Variants in HECW2 observed in about 807,000 individuals in gnomAD.
HECW2 encodes E3 ubiquitin-protein ligase HECW2.
Under a neutral mutation model 175.2 loss-of-function variants are expected in HECW2, and 61 were observed. That is an observed-to-expected ratio of 0.35 (90% CI 0.28 to 0.43). HECW2 has a LOEUF of 0.43. HECW2 is among the 20% of genes least tolerant of loss of function. The pLI, the probability that HECW2 is intolerant of heterozygous loss-of-function variation, is 1.00. For synonymous variants in HECW2, 671 were observed against 731.0 expected, an observed-to-expected ratio of 0.92 and a Z score of 1.32; for missense variants, 1,524 against 2,000.5, an observed-to-expected ratio of 0.76 and a Z score of 4.54.
chr2:196,453,467 C>T (rs774739254), intron 1 of HECW2, among the ~76,000 whole-genome samples: 18 of 152,088 alleles, frequency 1.2e-4, no homozygotes, highest in Admixed American at 3.3e-4. Flanking sequence ...GAAGCTCTTC[C>T]TAACACTTAG....
chr2:196,384,925 C>CA (rs1553510956), intron 2 of HECW2, among the ~76,000 whole-genome samples: 4 of 148,660 alleles, frequency 2.7e-5, no homozygotes. Flanking sequence ...GTTTCTTTCA[C>CA]TTTTTTTTTT....
chr2:196,528,510 CAG>C (rs775779622), intron 1 of HECW2, among the ~76,000 whole-genome samples: 2 of 152,180 alleles, frequency 1.3e-5, no homozygotes, highest in Non-Finnish European at 2.9e-5. Context: ...TGGTGAGAAT[CAG>C]GGGCAGAAAC....
chr2:196,407,700 A>G (rs1246703403), intron 2 of HECW2, among the ~76,000 whole-genome samples: 1 of 152,228 alleles, frequency 6.6e-6, no homozygotes, highest in East Asian at 1.9e-4. Flanking sequence ...AGTCTAAATT[A>G]ACAAATGAAA....
At chr2:196,410,288 G>A (rs1475766727) in intron 2 of HECW2, among the ~76,000 whole-genome samples, 3 of 152,130 alleles carry the variant, frequency 2.0e-5, no homozygotes, top group Admixed American at 2.0e-4. Context: ...AATAGCAATG[G>A]TACATTTTGA....
intron 18 of HECW2, 96 bp downstream of exon 18, chr2:196,257,727 T>C (rs756073258): frequency 8.0e-5 from 69 of 863,766 alleles, no homozygotes; most frequent in Non-Finnish European, 1.1e-4. Context: ...AGAACAATTT[T>C]TAGGCTATGA....
chr2:196,403,970 TGTGA>T (rs1230856640), intron 2 of HECW2, among the ~76,000 whole-genome samples: 1 of 152,234 alleles, frequency 6.6e-6, no homozygotes, highest in Non-Finnish European at 1.5e-5. Context: ...ATTATGTCAC[TGTGA>T]GTGTTTTAGG....
chr2:196,392,383 G>A (rs1263845271), intron 2 of HECW2, among the ~76,000 whole-genome samples: 2 of 152,158 alleles, frequency 1.3e-5, no homozygotes, highest in Non-Finnish European at 2.9e-5. Context: ...CCAGGGCTGT[G>A]TAACCTATCA....
chr2:196,389,338 A>G (rs1428497670), intron 2 of HECW2, among the ~76,000 whole-genome samples: 1 of 152,202 alleles, frequency 6.6e-6, no homozygotes, highest in Non-Finnish European at 1.5e-5. Flanking sequence ...ATTTTCTAAA[A>G]TGCATTTTGA....
chr2:196,555,421 C>A (rs1388032538), intron 1 of HECW2, among the ~76,000 whole-genome samples: 2 of 152,066 alleles, frequency 1.3e-5, no homozygotes, highest in African/African-American at 4.8e-5. Flanking sequence ...TAATCACCTG[C>A]CAAAGGCCAC....
chr2:196,463,363 G>A (rs543386438), intron 1 of HECW2, among the ~76,000 whole-genome samples: 3 of 145,492 alleles, frequency 2.1e-5, no homozygotes, highest in Non-Finnish European at 4.5e-5. Context: ...GATTCGTCAC[G>A]CAAGTCAGGC....
intron 1 of HECW2, chr2:196,586,671 G>A (rs867541041): frequency 6.8e-6 from 1 of 146,672 alleles, no homozygotes; most frequent in South Asian, 2.2e-4. Context: ...CACCTTATCT[G>A]TACCTGAGCC....
intron 1 of HECW2, among the ~76,000 whole-genome samples, chr2:196,545,497 G>T (rs1368631344): frequency 6.6e-6 from 1 of 152,168 alleles, no homozygotes; most frequent in African/African-American, 2.4e-5. Context: ...AGTTTTGATA[G>T]GGAAAATGGA....
At chr2:196,577,797 C>G (rs937465106) in intron 1 of HECW2, among the ~76,000 whole-genome samples, 4 of 152,104 alleles carry the variant, frequency 2.6e-5, no homozygotes, top group African/African-American at 9.7e-5. Flanking sequence ...ACTAATATAA[C>G]CAGACAGAGA....
At chr2:196,489,465 A>AT (rs113867108) in intron 1 of HECW2, among the ~76,000 whole-genome samples, 51,080 of 151,804 alleles carry the variant, frequency 0.34, 11,748 homozygotes, top group African/African-American at 0.66. Context: ...CAGAAGAAAG[A>AT]CCAAAGAACC....
chr2:196,226,579 C>T (rs1186074575), intron 22 of HECW2, among the ~76,000 whole-genome samples: 1 of 152,168 alleles, frequency 6.6e-6, no homozygotes, highest in African/African-American at 2.4e-5. Context: ...CCCCTGTGAG[C>T]ATTTCAGTGA....
intron 17 of HECW2, 41 bp from the exon 18 acceptor site, chr2:196,257,947 C>A: frequency 7.0e-7 from 1 of 1,419,132 alleles, no homozygotes; most frequent in South Asian, 1.2e-5. Context: ...ATATGGTAGA[C>A]CTTTAGGCTA....
At chr2:196,520,256 C>G (rs886921314) in intron 1 of HECW2, among the ~76,000 whole-genome samples, 1 of 136,554 alleles carries the variant, frequency 7.3e-6, no homozygotes, top group Non-Finnish European at 1.5e-5. Context: ...CTGTCAATCT[C>G]AAATTATTAC....
intron 2 of HECW2, among the ~76,000 whole-genome samples, chr2:196,359,833 T>C (rs1195735561): frequency 2.6e-5 from 4 of 152,250 alleles, no homozygotes; most frequent in Non-Finnish European, 5.9e-5. Context: ...CTGGGGGCAG[T>C]GGCTTATGCC....
intron 2 of HECW2, among the ~76,000 whole-genome samples, chr2:196,365,541 G>A (rs1009247026): frequency 1.3e-5 from 2 of 152,058 alleles, no homozygotes; most frequent in African/African-American, 4.8e-5. Context: ...TGCTTGTCCC[G>A]TTGTCACTCT....
Sources: allele counts gnomAD v4.1 joint callset (sites outside exome capture counted in the v4.1 genomes callset), GRCh38; gene constraint gnomAD v4.1.1; transcripts MANE v1.5; gene names NCBI Gene and HGNC (gene_info 2026-07-23, HGNC 2026-07-21).